The following NCAM2 variants were observed in gnomAD, a reference collection of about 807,000 sequenced individuals.
NCAM2 encodes the protein neural cell adhesion molecule 2.
A neutral mutation model predicts 98.1 loss-of-function variants in NCAM2; 30 were observed. The ratio of observed to expected loss-of-function variants is 0.31; its 90% CI spans 0.23 to 0.41. The LOEUF (loss-of-function observed/expected upper bound fraction) is 0.41, where lower values mean the gene tolerates loss of function less well. Among genes scored for constraint, NCAM2 ranks in the 10% least tolerant of loss-of-function variants. The probability of loss-of-function intolerance (pLI) is 1.00; values close to 1 mark genes in which losing one functional copy is unlikely to be tolerated. For synonymous variants in NCAM2, 368 were observed against 342.4 expected (o/e 1.07, Z -0.83); for missense variants, 867 against 1,005.8 (o/e 0.86, Z 1.87).
intron 9 of NCAM2, among the ~76,000 whole-genome samples, chr21:21,377,119 A>T (rs1194245837): frequency 1.3e-5 from 2 of 151,792 alleles, no homozygotes; most frequent in Admixed American, 6.6e-5. Flanking sequence ...GAAACATTCA[A>T]ATTTATTCTA....
intron 12 of NCAM2, among the ~76,000 whole-genome samples, chr21:21,466,184 G>A (rs1843092083): frequency 6.6e-6 from 1 of 151,968 alleles, no homozygotes; most frequent in African/African-American, 2.4e-5. Flanking sequence ...GACATTGGAA[G>A]CCAATCTGCA....
chr21:21,275,994 T>C (rs1338352589), intron 1 of NCAM2, among the ~76,000 whole-genome samples: 1 of 152,208 alleles, frequency 6.6e-6, no homozygotes, highest in African/African-American at 2.4e-5. Flanking sequence ...ACCTTGTCTA[T>C]ACTGACCTAC....
At chr21:21,314,330 T>C (rs2074151402) in intron 5 of NCAM2, among the ~76,000 whole-genome samples, 1 of 152,130 alleles carries the variant, frequency 6.6e-6, no homozygotes, top group African/African-American at 2.4e-5. Flanking sequence ...TTTCATTTCC[T>C]TTTGGCCTTA....
At chr21:21,414,473 G>T (rs373645022) in intron 10 of NCAM2, among the ~76,000 whole-genome samples, 11 of 137,420 alleles carry the variant, frequency 8.0e-5, no homozygotes, top group South Asian at 2.3e-4. Context: ...TTTGTTGTGT[G>T]TTTTTTTTTT....
chr21:21,234,222 C>T (rs1022104659), intron 1 of NCAM2, among the ~76,000 whole-genome samples: 1 of 151,704 alleles, frequency 6.6e-6, no homozygotes, highest in African/African-American at 2.4e-5. Flanking sequence ...CAGCACCTTG[C>T]CCTGGAAGTA....
intron 12 of NCAM2, among the ~76,000 whole-genome samples, chr21:21,451,587 C>A (rs1981078132): frequency 6.6e-6 from 1 of 152,248 alleles, no homozygotes; most frequent in Non-Finnish European, 1.5e-5. Flanking sequence ...GTTACTACTT[C>A]TTTCTCCCAC....
chr21:21,484,097 G>A (rs1005434114), intron 15 of NCAM2, among the ~76,000 whole-genome samples: 1 of 152,024 alleles, frequency 6.6e-6, no homozygotes, highest in Non-Finnish European at 1.5e-5. Context: ...CTTTTCCCTT[G>A]TAATTTACAT....
chr21:21,355,367 C>G (rs996841160), intron 8 of NCAM2, among the ~76,000 whole-genome samples: 8 of 147,606 alleles, frequency 5.4e-5, no homozygotes, highest in African/African-American at 2.0e-4. Flanking sequence ...GGGGCTGAGG[C>G]AGGAGAATCA....
intron 1 of NCAM2, among the ~76,000 whole-genome samples, chr21:21,276,933 A>T (rs903606675): frequency 6.6e-6 from 1 of 152,088 alleles, no homozygotes; most frequent in African/African-American, 2.4e-5. Flanking sequence ...AAATAAATTA[A>T]TTAATTTCAT....
chr21:21,068,299 AT>A (rs2065484702), intron 1 of NCAM2, among the ~76,000 whole-genome samples: 3 of 149,800 alleles, frequency 2.0e-5, no homozygotes, highest in South Asian at 2.1e-4. Context: ...TGCCTGGCTA[AT>A]TTTTTGTATT....
chr21:21,197,537 G>A (rs1272215382), intron 1 of NCAM2, among the ~76,000 whole-genome samples: 2 of 152,218 alleles, frequency 1.3e-5, no homozygotes, highest in South Asian at 2.1e-4. Flanking sequence ...AAGAGAAGCC[G>A]CTCTGTTAAA....
At chr21:21,079,265 C>G (rs1479188225) in intron 1 of NCAM2, among the ~76,000 whole-genome samples, 2 of 152,014 alleles carry the variant, frequency 1.3e-5, no homozygotes, top group Non-Finnish European at 2.9e-5. Flanking sequence ...ACTCTGAATT[C>G]CTGTTTCATC....
At chr21:21,158,666 AAGT>A (rs1339583648) in intron 1 of NCAM2, among the ~76,000 whole-genome samples, 4 of 152,094 alleles carry the variant, frequency 2.6e-5, no homozygotes, top group African/African-American at 9.7e-5. Flanking sequence ...CTTAGTGACA[AAGT>A]AGCCATTGTA....
At chr21:21,024,016 C>A (rs1169655744) in intron 1 of NCAM2, among the ~76,000 whole-genome samples, 2 of 152,100 alleles carry the variant, frequency 1.3e-5, no homozygotes, top group Admixed American at 6.5e-5. Flanking sequence ...GATGTATAAA[C>A]CCTGGATCAT....
At chr21:21,485,709 C>G (rs1450889919) in intron 15 of NCAM2, among the ~76,000 whole-genome samples, 1 of 152,142 alleles carries the variant, frequency 6.6e-6, no homozygotes, top group Non-Finnish European at 1.5e-5. Context: ...CAATAGGAAA[C>G]AACCAGATGT....
intron 16 of NCAM2, among the ~76,000 whole-genome samples, chr21:21,513,724 A>G (rs1324747287): frequency 6.6e-6 from 1 of 152,062 alleles, no homozygotes; most frequent in Non-Finnish European, 1.5e-5. Flanking sequence ...GGTCTATAGC[A>G]TATTTTAGGA....
At chr21:21,197,130 G>T (rs2069032508) in intron 1 of NCAM2, among the ~76,000 whole-genome samples, 1 of 152,020 alleles carries the variant, frequency 6.6e-6, no homozygotes, top group African/African-American at 2.4e-5. Context: ...TTTCATTTTT[G>T]TTTCGTTTTT....
intron 8 of NCAM2, among the ~76,000 whole-genome samples, chr21:21,343,395 A>AC (rs1568957074): frequency 1.4e-5 from 2 of 145,886 alleles, no homozygotes; most frequent in Admixed American, 6.7e-5. Context: ...ACACACACAC[A>AC]ATCTTCATGA....
At chr21:21,241,381 C>A (rs143134594) in intron 1 of NCAM2, among the ~76,000 whole-genome samples, 1 of 152,096 alleles carries the variant, frequency 6.6e-6, no homozygotes, top group African/African-American at 2.4e-5. Context: ...TAGGCTGGGT[C>A]TTTTTACATT....
Sources: gnomAD v4.1 joint callset for allele counts (sites outside exome capture counted in the v4.1 genomes callset) on GRCh38, gnomAD v4.1.1 for gene constraint, MANE v1.5 for transcripts, NCBI Gene and HGNC (gene_info 2026-07-23, HGNC 2026-07-21) for gene names.